The following PCDH9 variants were observed in gnomAD, a reference collection of about 807,000 sequenced individuals.
PCDH9 encodes protocadherin 9, also known as protocadherin-9.
In PCDH9, 24 loss-of-function variants were observed where a neutral mutation model predicts 70.6. The observed-to-expected ratio is 0.34, with a 90% CI of 0.25 to 0.48. PCDH9 has a LOEUF of 0.48. Ranked by LOEUF, PCDH9 falls within the 20% of genes least tolerant of loss-of-function variation. PCDH9 has a pLI of 0.99. For missense variants in PCDH9, 1,281 were observed against 1,503.6 expected (o/e 0.85, Z 2.45); for synonymous variants, 562 against 558.5 (o/e 1.01, Z -0.09).
intron 3 of PCDH9, among the ~76,000 whole-genome samples, chr13:66,776,594 G>C (rs2079897847): frequency 6.6e-6 from 1 of 152,086 alleles, no homozygotes; most frequent in Non-Finnish European, 1.5e-5. Context: ...AACTCTTCAA[G>C]GAGAACTATA....
chr13:66,376,475 A>T (rs1956748629), intron 4 of PCDH9, among the ~76,000 whole-genome samples: 1 of 152,162 alleles, frequency 6.6e-6, no homozygotes, highest in African/African-American at 2.4e-5. Flanking sequence ...ATTTCATTAA[A>T]GTTTTATGCA....
At chr13:66,667,709 C>G (rs1593863751) in intron 3 of PCDH9, among the ~76,000 whole-genome samples, 1 of 152,168 alleles carries the variant, frequency 6.6e-6, no homozygotes, top group East Asian at 1.9e-4. Context: ...ATTTTACTCC[C>G]CTAAATACAT....
intron 2 of PCDH9, among the ~76,000 whole-genome samples, chr13:66,924,001 T>TTG (rs1157135920): frequency 6.6e-6 from 1 of 151,740 alleles, no homozygotes. Flanking sequence ...GCAGTGAACT[T>TTG]TCAACCTTAG....
intron 3 of PCDH9, among the ~76,000 whole-genome samples, chr13:66,811,755 T>TTCTC (rs3042292): frequency 0.6 from 88,061 of 146,024 alleles, 27,263 homozygotes; most frequent in South Asian, 0.66. Flanking sequence ...CTTCCTTTCT[T>TTCTC]TTTCTTTCTC....
intron 2 of PCDH9, among the ~76,000 whole-genome samples, chr13:66,966,219 G>A (rs992416358): frequency 6.6e-5 from 10 of 152,088 alleles, no homozygotes; most frequent in Admixed American, 1.3e-4. Context: ...CTGAGCTTCT[G>A]TTTCCTCGTT....
chr13:66,400,652 G>T (rs748090864), intron 4 of PCDH9, among the ~76,000 whole-genome samples: 6 of 152,194 alleles, frequency 3.9e-5, no homozygotes, highest in Non-Finnish European at 7.3e-5. Flanking sequence ...GTAGGCTGAA[G>T]TGGGCTAATT....
chr13:67,163,845 G>T (rs1292653260), intron 2 of PCDH9, among the ~76,000 whole-genome samples: 1 of 152,130 alleles, frequency 6.6e-6, no homozygotes, highest in East Asian at 1.9e-4. Context: ...ATGTAATCCA[G>T]ATTCTTTATT....
At chr13:66,656,026 C>T (rs2077923743) in intron 3 of PCDH9, among the ~76,000 whole-genome samples, 1 of 151,590 alleles carries the variant, frequency 6.6e-6, no homozygotes, top group African/African-American at 2.4e-5. Context: ...GCAAGCTGCT[C>T]ACAATTGATT....
chr13:66,543,011 A>T (rs1448279572), intron 4 of PCDH9, among the ~76,000 whole-genome samples: 1 of 151,758 alleles, frequency 6.6e-6, no homozygotes, highest in African/African-American at 2.4e-5. Context: ...AACTTTCCTT[A>T]GAAGAAATAT....
intron 4 of PCDH9, among the ~76,000 whole-genome samples, chr13:66,473,383 GT>G (rs139088285): frequency 0.15 from 22,677 of 150,628 alleles, 1,792 homozygotes; most frequent in Middle Eastern, 0.22. Flanking sequence ...AAAGCTATAT[GT>G]TTTTTTTTCA....
intron 2 of PCDH9, among the ~76,000 whole-genome samples, chr13:66,997,146 C>T (rs777112812): frequency 2.6e-5 from 4 of 152,074 alleles, no homozygotes; most frequent in African/African-American, 9.7e-5. Context: ...GAAGTGTGTT[C>T]GTTCATTTGC....
intron 4 of PCDH9, among the ~76,000 whole-genome samples, chr13:66,548,985 G>A (rs1961344861): frequency 6.6e-6 from 1 of 151,854 alleles, no homozygotes; most frequent in African/African-American, 2.4e-5. Context: ...TCTTTTATTT[G>A]GATAATTAAT....
intron 3 of PCDH9, among the ~76,000 whole-genome samples, chr13:66,854,538 G>A (rs928565789): frequency 2.0e-5 from 3 of 152,100 alleles, no homozygotes; most frequent in African/African-American, 7.2e-5. Context: ...GGATGCACAT[G>A]TTCCCAGCTG....
At chr13:66,729,696 A>G (rs1310746443) in intron 3 of PCDH9, among the ~76,000 whole-genome samples, 3 of 152,144 alleles carry the variant, frequency 2.0e-5, no homozygotes, top group Non-Finnish European at 4.4e-5. Context: ...CTGTGTGAGA[A>G]AACTCTTTTG....
chr13:67,044,397 C>A (rs145206908), intron 2 of PCDH9, among the ~76,000 whole-genome samples: 13 of 152,084 alleles, frequency 8.5e-5, no homozygotes, highest in African/African-American at 1.4e-4. Context: ...AAAATGATAC[C>A]CCAAATGCCA....
At chr13:66,596,394 AATAAG>A (rs982690243) in intron 4 of PCDH9, among the ~76,000 whole-genome samples, 13 of 151,710 alleles carry the variant, frequency 8.6e-5, no homozygotes, top group African/African-American at 2.9e-4. Flanking sequence ...CAGAGATTAA[AATAAG>A]ATGATTCCAT....
chr13:66,573,757 G>T (rs1210648132), intron 4 of PCDH9, among the ~76,000 whole-genome samples: 1 of 151,948 alleles, frequency 6.6e-6, no homozygotes, highest in Non-Finnish European at 1.5e-5. Context: ...TTGTTTGTTT[G>T]TTTGTTTGTT....
At chr13:67,016,421 ACT>A (rs2084562329) in intron 2 of PCDH9, among the ~76,000 whole-genome samples, 1 of 152,172 alleles carries the variant, frequency 6.6e-6, no homozygotes, top group Non-Finnish European at 1.5e-5. Flanking sequence ...AGTTTGAGCT[ACT>A]CAAGAAAAGC....
chr13:66,333,251 C>T (rs1053836513), intron 4 of PCDH9, among the ~76,000 whole-genome samples: 5 of 152,128 alleles, frequency 3.3e-5, no homozygotes, highest in African/African-American at 9.7e-5. Flanking sequence ...GAATAGTTGT[C>T]AAAGGATACG....
Sources: allele counts gnomAD v4.1 joint callset (sites outside exome capture counted in the v4.1 genomes callset), GRCh38; gene constraint gnomAD v4.1.1; transcripts MANE v1.5; gene names NCBI Gene and HGNC (gene_info 2026-07-23, HGNC 2026-07-21).